ZCCHC17: variants seen among roughly 807,000 people sequenced by gnomAD.
The protein encoded by ZCCHC17 is zinc finger CCHC domain-containing protein 17.
Under a neutral mutation model 30.6 loss-of-function variants are expected in ZCCHC17, and 18 were observed. The ratio of observed to expected loss-of-function variants is 0.59; its 90% confidence interval spans 0.41 to 0.87. The LOEUF (loss-of-function observed/expected upper bound fraction) is 0.87, where lower values mean the gene tolerates loss of function less well. ZCCHC17 is among the 40% of genes least tolerant of loss of function. The pLI, the probability that ZCCHC17 is intolerant of heterozygous loss-of-function variation, is 0.00. For missense variants in ZCCHC17, 263 were observed against 284.2 expected, an observed-to-expected ratio of 0.93 and a Z score of 0.54; for synonymous variants, 88 against 92.4, an observed-to-expected ratio of 0.95 and a Z score of 0.27.
chr1:31,317,058 T>A (rs1280319673), intron 2 of ZCCHC17, among the ~76,000 whole-genome samples: 1 of 150,110 alleles, frequency 6.7e-6, no homozygotes, highest in East Asian at 1.9e-4. Flanking sequence ...GAAGTATCGT[T>A]CTTGTTGCCC....
intron 2 of ZCCHC17, 47 bp downstream of exon 2, chr1:31,310,211 A>G: frequency 6.3e-7 from 1 of 1,594,510 alleles, no homozygotes; most frequent in Non-Finnish European, 8.6e-7. Flanking sequence ...GTTAAAATAG[A>G]TTAAGGGTGA....
intron 1 of ZCCHC17, among the ~76,000 whole-genome samples, chr1:31,299,269 T>G (rs1173218988): frequency 2.6e-5 from 4 of 152,148 alleles, no homozygotes; most frequent in Middle Eastern, 3.2e-3. Context: ...TGTAGAAGAT[T>G]TGAAAGTCAC....
At chr1:31,334,016 G>C (rs2148448038) in intron 3 of ZCCHC17, among the ~76,000 whole-genome samples, 1 of 152,324 alleles carries the variant, frequency 6.6e-6, no homozygotes, top group East Asian at 1.9e-4. Context: ...TTAAAATTAG[G>C]CTAGTTGGCT....
chr1:31,355,230 T>G (rs971593979), intron 7 of ZCCHC17, among the ~76,000 whole-genome samples: 4 of 151,524 alleles, frequency 2.6e-5, no homozygotes, highest in African/African-American at 9.7e-5. Flanking sequence ...TTCTAACTCA[T>G]GAGTCCTCTT....
chr1:31,345,756 G>T (rs1639246503), intron 5 of ZCCHC17, among the ~76,000 whole-genome samples: 1 of 150,814 alleles, frequency 6.6e-6, no homozygotes, highest in African/African-American at 2.4e-5. Context: ...TCATATGGCG[G>T]CAGGAGAGAA....
intron 2 of ZCCHC17, 83 bp downstream of exon 2, chr1:31,310,247 C>T (rs1230849832): frequency 2.1e-6 from 3 of 1,436,180 alleles, no homozygotes; most frequent in Admixed American, 3.5e-5. Flanking sequence ...TTCCTGTCCA[C>T]TTAAGTCTGT....
intron 1 of ZCCHC17, among the ~76,000 whole-genome samples, chr1:31,298,393 T>G (rs6679704): frequency 2.0e-5 from 3 of 150,626 alleles, no homozygotes; most frequent in Admixed American, 6.6e-5. Flanking sequence ...TTTTGTTTTT[T>G]TTTTTTTTTT....
At position 31,348,046 on chromosome 1, in the gene ZCCHC17, G is replaced by C. The variant is rs184594187; in HGVS notation, c.419-783G>C. Among the ~76,000 whole-genome samples the C allele has an allele frequency of 1.9e-4, 29 of 152,332 alleles. No individual in the cohort carries two copies. The East Asian group carries it at 5.6e-3, about 29-fold the overall frequency. On this transcript the variant is annotated intron_variant, in intron 6 of 7. Coordinates refer to ENST00000344147, the MANE Select transcript of ZCCHC17 (RefSeq NM_016505.4). ...CAGTACCACTATAGGCTCAGTGAAG[G>C]TGGGGGTCTTTTAACCTTAACCGTG...
chr1:31,297,107 G>A, intron 1 of ZCCHC17, 32 bp downstream of exon 1: 1 of 417,940 alleles, frequency 2.4e-6, no homozygotes. Context: ...GTGGGTGGCT[G>A]CCTGAGTCTG....
rs572526722 is a variant in ZCCHC17 at position 31,348,134 on chromosome 1, A to G, written c.419-695A>G. ...GAGGTGGAATTTGTCCCAGTTAGTA[A>G]AGGTCAGGTCAAAGGTAGTTGGTTT... On this transcript the variant is annotated intron_variant, in intron 6 of 7. Coordinates refer to ENST00000344147, the MANE Select transcript of ZCCHC17 (RefSeq NM_016505.4). 1.3e-4 allele frequency among the ~76,000 whole-genome samples: 20 copies of G among 152,282 alleles called. No individual in the cohort carries two copies. The South Asian group carries it at 3.9e-3, about 30-fold the overall frequency.
intron 2 of ZCCHC17, among the ~76,000 whole-genome samples, chr1:31,313,349 G>A (rs1242752247): frequency 6.6e-6 from 1 of 152,102 alleles, no homozygotes; most frequent in African/African-American, 2.4e-5. Flanking sequence ...GCTGGGATCA[G>A]GCGTGAGCCA....
At position 31,364,194 on chromosome 1, in the gene ZCCHC17, G is replaced by C; in HGVS notation, c.*1G>C. The C allele has an allele frequency of 6.2e-7, 1 of 1,612,286 alleles. No homozygotes were observed. The highest frequency in any genetic ancestry group is 8.5e-7 in the Non-Finnish European group (1 of 1,179,504). On this transcript the variant is annotated 3_prime_UTR_variant, in exon 8 of 8. Coordinates refer to ENST00000344147, the MANE Select transcript of ZCCHC17 (RefSeq NM_016505.4). The stretch of plus-strand genomic sequence containing the variant: ...GCACAAGAAGAAGCACAAGGAGTGA[G>C]AGTATAAAGAGTGTAGGGGGTGGTT...
chr1:31,313,952 C>T (rs868129552), intron 2 of ZCCHC17, among the ~76,000 whole-genome samples: 3 of 152,054 alleles, frequency 2.0e-5, no homozygotes, highest in Non-Finnish European at 4.4e-5. Flanking sequence ...GCAACCTCCA[C>T]CTCCGGGTTC....
intron 7 of ZCCHC17, among the ~76,000 whole-genome samples, chr1:31,349,791 G>C (rs1239106694): frequency 6.6e-6 from 1 of 152,158 alleles, no homozygotes; most frequent in South Asian, 2.1e-4. Flanking sequence ...TGATTTAAGA[G>C]CAACATAATA....
chr1:31,361,548 CTA>C (rs1465038210), intron 7 of ZCCHC17, among the ~76,000 whole-genome samples: 1 of 152,212 alleles, frequency 6.6e-6, no homozygotes, highest in Non-Finnish European at 1.5e-5. Flanking sequence ...GAACTTAATT[CTA>C]TCTTATTCCA....
At chr1:31,334,335 CTCTGTGTGTGTG>C (rs1358357763) in intron 3 of ZCCHC17, among the ~76,000 whole-genome samples, 137 of 56,730 alleles carry the variant, frequency 2.4e-3, no homozygotes, top group East Asian at 0.018. Flanking sequence ...CTCTCTCTCT[CTCTGTGTGTGTG>C]TGTGTGTGTG....
intron 4 of ZCCHC17, among the ~76,000 whole-genome samples, chr1:31,338,507 A>T (rs1225472740): frequency 1.3e-5 from 2 of 152,178 alleles, no homozygotes; most frequent in East Asian, 1.9e-4. Context: ...GAAGTGCTTC[A>T]TGTGCTGCGG....
intron 7 of ZCCHC17, among the ~76,000 whole-genome samples, chr1:31,362,907 A>G (rs1422365612): frequency 6.6e-6 from 1 of 152,216 alleles, no homozygotes; most frequent in African/African-American, 2.4e-5. Context: ...AAAGACCCAT[A>G]TCCTTTCCCC....
rs1646675400 is a variant in ZCCHC17, at chr1:31,314,181, T to C, written c.66+4017T>C. ...TGCCTGGCCACCTACAGCTTTCTTA[T>C]ATGAGATGGAGCTTGAATTAGTGCA... On this transcript the variant is annotated intron_variant, in intron 2 of 7. Transcript: ENST00000344147. Among the ~76,000 whole-genome samples, 3 of 152,228 alleles carry C rather than the reference T, an allele frequency of 2.0e-5. No homozygotes were observed. In the South Asian group the frequency reaches 6.2e-4, roughly 32 times the overall value.
Sources: allele counts gnomAD v4.1 joint callset (sites outside exome capture counted in the v4.1 genomes callset), GRCh38; gene constraint gnomAD v4.1.1; transcripts MANE v1.5; gene names NCBI Gene and HGNC (gene_info 2026-07-23, HGNC 2026-07-21).